Variants in KTN1 observed in about 807,000 individuals in gnomAD.
KTN1 encodes the protein kinectin.
In KTN1, 130 loss-of-function variants were observed where a neutral mutation model predicts 222.5. That is an observed-to-expected ratio of 0.58 (90% CI 0.51 to 0.68). The LOEUF (loss-of-function observed/expected upper bound fraction) is 0.68, where lower values mean the gene tolerates loss of function less well. KTN1 is among the 30% of genes least tolerant of loss of function. The probability of loss-of-function intolerance (pLI) is 0.00; values close to 1 mark genes in which losing one functional copy is unlikely to be tolerated. For missense variants in KTN1, 1,508 were observed against 1,500.4 expected (o/e 1.01, Z -0.08); for synonymous variants, 512 against 496.3 (o/e 1.03, Z -0.42).
At chr14:55,583,267 A>G (rs1301791217) in intron 1 of KTN1, among the ~76,000 whole-genome samples, 7 of 152,122 alleles carry the variant, frequency 4.6e-5, no homozygotes, top group Non-Finnish European at 8.8e-5. Context: ...AGTGAAAACT[A>G]GGCTATTTTT....
chr14:55,620,578 C>T (rs1410931010), intron 5 of KTN1, among the ~76,000 whole-genome samples: 4 of 152,214 alleles, frequency 2.6e-5, no homozygotes, highest in African/African-American at 9.7e-5. Context: ...ACAGGTTCAA[C>T]ACTACGTTGA....
At chr14:55,650,233 G>C (rs1178880220) in intron 22 of KTN1, 95 bp from the exon 23 acceptor site, 2 of 779,734 alleles carry the variant, frequency 2.6e-6, no homozygotes, top group Non-Finnish European at 4.2e-6. Flanking sequence ...GGAAAGGGTT[G>C]ATTTGGAGAG....
At chr14:55,606,760 C>T (rs1024349587) in intron 1 of KTN1, among the ~76,000 whole-genome samples, 1 of 151,980 alleles carries the variant, frequency 6.6e-6, no homozygotes, top group Non-Finnish European at 1.5e-5. Flanking sequence ...ATTATTGTTT[C>T]AATGTGCAAT....
intron 10 of KTN1, 150 bp from the exon 11 acceptor site, chr14:55,637,048 G>T (rs10483645): frequency 0.068 from 35,292 of 516,808 alleles, 1,527 homozygotes; most frequent in Non-Finnish European, 0.088. Flanking sequence ...CCCATGAAAC[G>T]CAAGTATAGC....
In KTN1 at chr14:55,633,192, C is replaced by T. The variant is rs377316862; in HGVS notation, c.1222-43C>T. On this transcript the variant is annotated intron_variant, in intron 7 of 43. Coordinates refer to ENST00000395314, the MANE Select transcript of KTN1 (RefSeq NM_001079521.2). ...AGTTTATTTTAAAAGTTAGCTTTGA[C>T]AGTCTTTGTTTTCTAAGTTTTATGT... 17 of 1,062,754 alleles carry T rather than the reference C, an allele frequency of 1.6e-5. No homozygotes were observed. In the African/African-American group the frequency reaches 2.0e-4, roughly 12 times the overall value. 65.8% of individuals were successfully genotyped at this position (1,062,754 alleles called of 1,614,324 possible).
Position 55,672,711 on chromosome 14 carries a change from T to G in KTN1, c.3603+10T>G. Reference sequence around the variant, plus strand: ...TAAGGATATTGAAAATGTATGTTATTTGATTGTTTTACTTGTAACCTATGG... The same window carrying G: ...TAAGGATATTGAAAATGTATGTTATGTGATTGTTTTACTTGTAACCTATGG... On this transcript the variant is annotated intron_variant, in intron 38 of 43. Transcript: ENST00000395314. 2 of 1,539,666 alleles carry G rather than the reference T, an allele frequency of 1.3e-6. No individual in the cohort carries two copies. The highest frequency in any genetic ancestry group is 1.8e-6 in the Non-Finnish European group (2 of 1,113,454).
rs1227323454 is a variant in KTN1 at position 55,630,010 on chromosome 14, T to C, written c.1134T>C (p.Asp378=). The C allele has an allele frequency of 1.9e-6, 3 of 1,602,592 alleles. No individual in the cohort carries two copies. The Admixed American group carries it at 5.0e-5, about 27-fold the overall frequency. Residue 378 remains aspartate (D), a synonymous_variant, in exon 7 of 44, where the codon GAT becomes GAC. Coordinates refer to ENST00000395314, the MANE Select transcript of KTN1 (RefSeq NM_001079521.2). ...RSNVVITRMK[D]RIGTLEKEHN... is the part of the protein sequence containing the mutation. The stretch of plus-strand genomic sequence containing the variant: ...ATGTGGTTATAACAAGGATGAAAGA[T>C]CGAATTGGAACATTAGAAAAGGAAC...
At chr14:55,658,936 A>G (rs61533026) in intron 30 of KTN1, among the ~76,000 whole-genome samples, 4,490 of 152,252 alleles carry the variant, frequency 0.029, 205 homozygotes, top group African/African-American at 0.098. Flanking sequence ...ACACACTCTT[A>G]TCTCCCCTCT....
chr14:55,680,676 C>T (rs2046290210), intron 43 of KTN1: 1 of 1,363,820 alleles, frequency 7.3e-7, no homozygotes, highest in African/African-American at 1.5e-5. Context: ...AGCGTTTTGT[C>T]TCACTTTAGA....
At chr14:55,656,757 G>A (rs2043526321) in intron 29 of KTN1, among the ~76,000 whole-genome samples, 2 of 152,176 alleles carry the variant, frequency 1.3e-5, no homozygotes, top group African/African-American at 2.4e-5. Flanking sequence ...GTGAGCCACC[G>A]CAGCCAGCAT....
chr14:55,596,003 A>G (rs1244714456), intron 1 of KTN1, among the ~76,000 whole-genome samples: 2 of 152,038 alleles, frequency 1.3e-5, no homozygotes, highest in Non-Finnish European at 2.9e-5. Context: ...AAATACAAAA[A>G]AATTAGCTGG....
At chr14:55,607,723 T>A (rs545574553) in intron 1 of KTN1, among the ~76,000 whole-genome samples, 49 of 152,270 alleles carry the variant, frequency 3.2e-4, no homozygotes, top group African/African-American at 1.2e-3. Context: ...AAGAGGTAAC[T>A]AATATTAGAA....
At chr14:55,625,690 G>A (rs953926582) in intron 5 of KTN1, among the ~76,000 whole-genome samples, 1 of 151,950 alleles carries the variant, frequency 6.6e-6, no homozygotes, top group South Asian at 2.1e-4. Context: ...TCGAAATTTT[G>A]GCAAGTTAAC....
intron 33 of KTN1, 152 bp downstream of exon 33, chr14:55,664,193 C>T (rs1020342051): frequency 3.4e-6 from 2 of 584,812 alleles, no homozygotes; most frequent in Non-Finnish European, 3.0e-6. Flanking sequence ...CTTTTTTCAT[C>T]TACTCCTTGA....
At chr14:55,633,210 T>G (rs1460080694) in intron 7 of KTN1, 25 bp from the exon 8 acceptor site, 1 of 1,406,034 alleles carries the variant, frequency 7.1e-7, no homozygotes, top group East Asian at 2.5e-5. Flanking sequence ...GTTTTCTAAG[T>G]TTTATGTGTG....
At position 55,616,521 on chromosome 14, in the gene KTN1, C is replaced by A; in HGVS notation, c.528C>A (p.Asp176Glu). The change falls in exon 3 of 44, where the codon GAC (aspartate) becomes GAA (glutamate). Residue 176 changes from aspartate to glutamate, a missense_variant. Physicochemically the swap from Asp to Glu is conservative, Grantham distance 45. Coordinates refer to ENST00000395314, the MANE Select transcript of KTN1 (RefSeq NM_001079521.2). ...GQKKSKNGSD[D>E]QDKKVETLMV... ...TTTTGTTTGTGTTTAATAAAGATGA[C>A]CAGGATAAAAAGGTGGAAACTCTCA... 6.4e-7 allele frequency: 1 copy of A among 1,567,418 alleles called. No homozygotes were observed. The highest frequency in any genetic ancestry group is 8.6e-7 in the Non-Finnish European group (1 of 1,165,610).
At chr14:55,646,484 CCTTT>C (rs764786525) in intron 18 of KTN1, among the ~76,000 whole-genome samples, 3 of 61,728 alleles carry the variant, frequency 4.9e-5, no homozygotes, top group Admixed American at 1.9e-4. Flanking sequence ...CCTTTCCTTT[CCTTT>C]CCTTTCCTTT....
chr14:55,646,975 TA>T lies in KTN1; in HGVS notation c.2177del (p.Asn726IlefsTer19). ...TTTTTTGGTGATTTTTATTTTAGCC[TA>T]ATAAGGATGTTGTGGAACAAATGGA... Reference protein sequence around the residue: ...KLQTLVSEQPNKDVVEQMEKC... With the variant: ...KLQTLVSEQPXKDVVEQMEKC... On this transcript the variant is annotated frameshift_variant, in exon 19 of 44. Coordinates refer to ENST00000395314, the MANE Select transcript of KTN1 (RefSeq NM_001079521.2). LOFTEE classifies it high-confidence loss of function. 1 of 1,530,730 alleles carries T rather than the reference TA, an allele frequency of 6.5e-7. No individual in the cohort carries two copies. The allele number at this position is 1,530,730 out of a possible 1,614,324, so 94.8% of individuals were successfully genotyped here.
intron 34 of KTN1, chr14:55,668,061 T>G (rs540544521): frequency 1.3e-5 from 2 of 152,182 alleles, no homozygotes; most frequent in South Asian, 4.1e-4. Flanking sequence ...TTCCCTAGAT[T>G]ATTTTGAAGG....
Sources: allele counts gnomAD v4.1 joint callset (sites outside exome capture counted in the v4.1 genomes callset), GRCh38; gene constraint gnomAD v4.1.1; transcripts MANE v1.5; gene names NCBI Gene and HGNC (gene_info 2026-07-23, HGNC 2026-07-21).